Variants in TMEM243 observed in about 807,000 individuals in gnomAD.
The protein encoded by TMEM243 is MDR1 and mitochondrial taxol resistance associated.
A neutral mutation model predicts 15.0 loss-of-function variants in TMEM243; 20 were observed. The observed-to-expected ratio is 1.33, with a 90% CI of 0.94 to 1.93. TMEM243 has a LOEUF of 1.93. Ranked by LOEUF, TMEM243 falls within the 30% of genes most tolerant of loss-of-function variation. TMEM243 has a pLI of 0.00. For missense variants in TMEM243, 156 were observed against 142.1 expected, an observed-to-expected ratio of 1.10 and a Z score of -0.50; for synonymous variants, 72 against 52.7, an observed-to-expected ratio of 1.37 and a Z score of -1.59.
intron 1 of TMEM243, among the ~76,000 whole-genome samples, chr7:87,213,843 T>C (rs1290408927): frequency 6.6e-6 from 1 of 151,942 alleles, no homozygotes; most frequent in Non-Finnish European, 1.5e-5. Context: ...GAACCAAAGA[T>C]CTGAGCCTCA....
chr7:87,213,117 A>G (rs1408870162), intron 1 of TMEM243, among the ~76,000 whole-genome samples: 1 of 152,218 alleles, frequency 6.6e-6, no homozygotes, highest in Non-Finnish European at 1.5e-5. Flanking sequence ...GAAGGGGTCC[A>G]TGGAGAGGTA....
intron 1 of TMEM243, among the ~76,000 whole-genome samples, chr7:87,209,677 CGAGACACAGCGAGAGAGCGAGACACAGT>C (rs1562885024): frequency 3.4e-4 from 27 of 79,494 alleles, no homozygotes; most frequent in Admixed American, 2.0e-3. Flanking sequence ...AGAGCGAGAG[CGAGACACAGCGAGAGAGCGAGACACAGT>C]GAGAGCGAGA....
In TMEM243 at chr7:87,199,139, GTT is replaced by G. The variant is rs1317510036; in HGVS notation, c.79-84_79-83del. The G allele has an allele frequency of 3.4e-6, 4 of 1,176,218 alleles. No individual in the cohort carries two copies. In the East Asian group the frequency reaches 8.0e-5, roughly 23 times the overall value. 72.9% of individuals were successfully genotyped at this position (1,176,218 alleles called of 1,614,324 possible). A position where few individuals can be genotyped will look rare whatever the true frequency, so the allele number is the denominator to read the frequency against. ...TAGTACAATGCAAGGCATTTGGATG[GTT>G]TACTATAAAGAAACCCAAGATCCAG... On this transcript the variant is annotated intron_variant, in intron 1 of 3. Coordinates refer to ENST00000257637, the MANE Select transcript of TMEM243 (RefSeq NM_024315.4).
intron 1 of TMEM243, among the ~76,000 whole-genome samples, chr7:87,214,439 A>G (rs1402740306): frequency 6.6e-6 from 1 of 152,204 alleles, no homozygotes; most frequent in African/African-American, 2.4e-5. Context: ...AAGCAGAGGA[A>G]GGCGATTCAT....
chr7:87,216,908 C>T (rs1241771549), intron 1 of TMEM243: 2 of 152,184 alleles, frequency 1.3e-5, no homozygotes, highest in Admixed American at 6.5e-5. Flanking sequence ...ACTTGTATGA[C>T]TGAACACGTA....
At chr7:87,210,442 C>T (rs1802663691) in intron 1 of TMEM243, among the ~76,000 whole-genome samples, 1 of 152,228 alleles carries the variant, frequency 6.6e-6, no homozygotes, top group Admixed American at 6.5e-5. Context: ...GTCCCTTCCA[C>T]CTATGAGCCT....
chr7:87,219,809 A>C, upstream of TMEM243: 14 of 398,358 alleles, frequency 3.5e-5, no homozygotes, highest in East Asian at 5.3e-5. Flanking sequence ...CTCAAATCTC[A>C]GCCCTTGGCG....
At chr7:87,208,329 G>C (rs757932785) in intron 1 of TMEM243, among the ~76,000 whole-genome samples, 1 of 152,162 alleles carries the variant, frequency 6.6e-6, no homozygotes, top group Non-Finnish European at 1.5e-5. Context: ...TCCAAAATCA[G>C]AAAAACTGGC....
chr7:87,209,851 C>G (rs61243578), intron 1 of TMEM243, among the ~76,000 whole-genome samples: 1 of 122,524 alleles, frequency 8.2e-6, no homozygotes, highest in Non-Finnish European at 1.6e-5. Context: ...ACAGTGAGAG[C>G]GAGAGAGAGA....
At chr7:87,218,180 C>A (rs544818176) in intron 1 of TMEM243, among the ~76,000 whole-genome samples, 2 of 152,292 alleles carry the variant, frequency 1.3e-5, no homozygotes, top group African/African-American at 2.4e-5. Context: ...TTCCTTGGCT[C>A]CCCAGGGCCA....
Position 87,219,413 on chromosome 7 carries a change from A to T in TMEM243, c.78+13T>A. On this transcript the variant is annotated intron_variant, in intron 1 of 3. Transcript: ENST00000257637. The stretch of plus-strand genomic sequence containing the variant: ...ACCCCCCATCCCAGTCTGGAGTCAC[A>T]ATCCGCACTCACCTTGGCGGACGTC... 6.2e-7 allele frequency: 1 copy of T among 1,613,818 alleles called. No individual in the cohort carries two copies.
In TMEM243 at chr7:87,210,252, A is replaced by G. The variant is rs111409157; in HGVS notation, c.78+9174T>C. On this transcript the variant is annotated intron_variant, in intron 1 of 3. Coordinates refer to ENST00000257637, the MANE Select transcript of TMEM243 (RefSeq NM_024315.4). ...CAACATGTGGAGATTACAATTTGAC[A>G]TGAGATTTGGGTAAGGACACAGCCA... Among the ~76,000 whole-genome samples the G allele has an allele frequency of 6.1e-3, 925 of 152,176 alleles. 7 individuals are homozygous for G. The highest frequency in any genetic ancestry group is 0.02 in the African/African-American group (830 of 41,512).
chr7:87,213,634 G>T (rs569873976), intron 1 of TMEM243, among the ~76,000 whole-genome samples: 6 of 152,080 alleles, frequency 3.9e-5, no homozygotes, highest in Non-Finnish European at 7.3e-5. Context: ...ACTGATCCTT[G>T]TTCTTAAATA....
chr7:87,219,463 A>C lies in TMEM243; in HGVS notation c.41T>G (p.Leu14Arg). 4 of 1,614,244 alleles carry C rather than the reference A, an allele frequency of 2.5e-6. No individual in the cohort carries two copies. The highest frequency in any genetic ancestry group is 1.6e-4 in the Middle Eastern group (1 of 6,062). Reference protein sequence around the residue: ...FATRTYGTSGLDNRPLFGETS... With the variant: ...FATRTYGTSGRDNRPLFGETS... ...CTCCCCAAACAGAGGTCTGTTGTCCAGGCCACTGGTGCCGTAGGTCCTGGT... is the reference window on the plus strand; with the variant it reads ...CTCCCCAAACAGAGGTCTGTTGTCCCGGCCACTGGTGCCGTAGGTCCTGGT... The change falls in exon 1 of 4, where the codon CTG (leucine) becomes CGG (arginine). Residue 14 changes from leucine to arginine, a missense_variant. Coordinates refer to ENST00000257637, the MANE Select transcript of TMEM243 (RefSeq NM_024315.4).
chr7:87,207,685 G>A (rs978490961), intron 1 of TMEM243, among the ~76,000 whole-genome samples: 2 of 152,190 alleles, frequency 1.3e-5, no homozygotes, highest in Admixed American at 6.5e-5. Context: ...CAGGGTAGAG[G>A]GTGGAGGAAG....
chr7:87,202,299 G>A lies in TMEM243; in HGVS notation c.79-3242C>T, dbSNP rs552365102. On this transcript the variant is annotated intron_variant, in intron 1 of 3. Coordinates refer to ENST00000257637, the MANE Select transcript of TMEM243 (RefSeq NM_024315.4). ...CCTGAGGAAGACTAGCAGATGAAAA[G>A]GAAAGGAAAGATGGTTCATGAAAGG... is the stretch of plus-strand genomic sequence containing the variant. Among the ~76,000 whole-genome samples, 71 of 152,160 alleles carry A rather than the reference G, an allele frequency of 4.7e-4. 1 individual carries two copies. The South Asian group carries it at 6.0e-3, about 13-fold the overall frequency.
chr7:87,212,604 A>C (rs1039772749), intron 1 of TMEM243, among the ~76,000 whole-genome samples: 7 of 152,246 alleles, frequency 4.6e-5, no homozygotes, highest in African/African-American at 1.4e-4. Flanking sequence ...ACAACTTAGC[A>C]GAAAGAAAAA....
chr7:87,200,882 T>C, intron 1 of TMEM243, among the ~76,000 whole-genome samples: 1 of 152,228 alleles, frequency 6.6e-6, no homozygotes, highest in Non-Finnish European at 1.5e-5. Flanking sequence ...AAGTGGCAGA[T>C]GACACCTCAA....
At chr7:87,199,181 C>T (rs1801604866) in intron 1 of TMEM243, 124 bp from the exon 2 acceptor site, 1 of 704,672 alleles carries the variant, frequency 1.4e-6, no homozygotes, top group Non-Finnish European at 2.3e-6. Context: ...CTGAGCTTTA[C>T]ACATAAAACT....
Sources: gnomAD v4.1 joint callset for allele counts (sites outside exome capture counted in the v4.1 genomes callset) on GRCh38, gnomAD v4.1.1 for gene constraint, MANE v1.5 for transcripts, NCBI Gene and HGNC (gene_info 2026-07-23, HGNC 2026-07-21) for gene names.